ALG11: variants seen among roughly 807,000 people sequenced by gnomAD.
ALG11 encodes GDP-Man:Man(3)GlcNAc(2)-PP-Dol alpha-1,2-mannosyltransferase.
In ALG11, 26 loss-of-function variants were observed where a neutral mutation model predicts 38.8. That is an observed-to-expected ratio of 0.67 (90% confidence interval 0.49 to 0.93). ALG11 has a LOEUF of 0.93. ALG11 is among the 40% of genes least tolerant of loss of function. The probability of loss-of-function intolerance (pLI) is 0.00; values close to 1 mark genes in which losing one functional copy is unlikely to be tolerated. For synonymous variants in ALG11, 199 were observed against 211.6 expected (o/e 0.94, Z 0.52); for missense variants, 535 against 578.8 (o/e 0.92, Z 0.78).
At chr13:52,023,843 G>A (rs1875529969) in intron 2 of ALG11, 163 bp from the exon 3 acceptor site, 1 of 443,966 alleles carries the variant, frequency 2.3e-6, no homozygotes, top group Non-Finnish European at 4.0e-6. Context: ...CACCCAGGCT[G>A]GAGTTCGGTG....
In ALG11 at chr13:52,027,591, G is replaced by A. The variant is rs1954253744; in HGVS notation, c.1208-728G>A. Among the ~76,000 whole-genome samples, 3 of 152,170 alleles carry A rather than the reference G, an allele frequency of 2.0e-5. No individual in the cohort carries two copies. In the South Asian group the frequency reaches 6.2e-4, roughly 31 times the overall value. On this transcript the variant is annotated intron_variant, in intron 3 of 3. Coordinates refer to ENST00000521508, the MANE Select transcript of ALG11 (RefSeq NM_001004127.3). The stretch of plus-strand genomic sequence containing the variant: ...TCCCTGAAGGGCTTAATTCTCCTAG[G>A]AATATGGCTAAGAAGGGCTGGCTAG...
At chr13:52,016,756 G>C (rs1054193602) in intron 1 of ALG11, 5 of 152,280 alleles carry the variant, frequency 3.3e-5, no homozygotes, top group Non-Finnish European at 7.3e-5. Context: ...TTGCCACCGG[G>C]GCAGGGCCCT....
At chr13:52,027,743 C>T (rs1593905289) in intron 3 of ALG11, among the ~76,000 whole-genome samples, 3 of 152,164 alleles carry the variant, frequency 2.0e-5, no homozygotes, top group Non-Finnish European at 2.9e-5. Context: ...ATAAGCACGG[C>T]GATAGTATGC....
Position 52,024,131 on chromosome 13 carries a change from GGAAAC to G in ALG11, c.403_407del (p.Lys135LeufsTer34). 1 of 1,613,898 alleles carries G rather than the reference GGAAAC, an allele frequency of 6.2e-7. No individual in the cohort carries two copies. The highest frequency in any genetic ancestry group is 1.3e-5 in the African/African-American group (1 of 74,968). ...CACCCAGTGCAGTTTGTTTTTTTAA[GGAAAC>G]GCTATCTTGTGGAAGATTCACTGTA... On this transcript the variant is annotated frameshift_variant, in exon 3 of 4. Transcript: ENST00000521508. LOFTEE classifies it high-confidence loss of function.
chr13:52,024,498 C>A lies in ALG11; in HGVS notation c.768C>A (p.Val256=). 6.2e-7 allele frequency: 1 copy of A among 1,614,128 alleles called. No homozygotes were observed. The highest frequency in any genetic ancestry group is 1.7e-4 in the Middle Eastern group (1 of 6,060). The change falls in exon 3 of 4, where the codon GTC becomes GTA. Residue 256 remains valine (V), a synonymous_variant. Coordinates refer to ENST00000521508, the MANE Select transcript of ALG11 (RefSeq NM_001004127.3). ...GTTCTTGCAGTGATGTAGTCATGGTCAATTCTTCTTGGACACTAAACCATA... is the reference window on the plus strand; with the variant it reads ...GTTCTTGCAGTGATGTAGTCATGGTAAATTCTTCTTGGACACTAAACCATA... ...LVGSCSDVVM[V]NSSWTLNHIL...
chr13:52,018,466 A>C (rs1157495124), intron 1 of ALG11, among the ~76,000 whole-genome samples: 1 of 152,252 alleles, frequency 6.6e-6, no homozygotes, highest in East Asian at 1.9e-4. Context: ...TGATGGAATG[A>C]AAAAGATTTA....
chr13:52,023,841 C>CTG (rs1954209952), intron 2 of ALG11, 165 bp from the exon 3 acceptor site: 1 of 378,142 alleles, frequency 2.6e-6, no homozygotes, highest in Non-Finnish European at 4.8e-6. Flanking sequence ...GTCACCCAGG[C>CTG]TGGAGTTCGG....
At position 52,030,974 on chromosome 13, in the gene ALG11, C is replaced by G; in HGVS notation, c.*2384C>G. ...GACTACTCCCAAGGTCGTCACCAAG[C>G]CAGGCCATATCATTAAGCCCATAAA... On this transcript the variant is annotated 3_prime_UTR_variant, in exon 4 of 4. Coordinates refer to ENST00000521508, the MANE Select transcript of ALG11 (RefSeq NM_001004127.3). 1 of 1,614,172 alleles carries G rather than the reference C, an allele frequency of 6.2e-7. No individual in the cohort carries two copies. Among genetic ancestry groups the G allele is most frequent in the East Asian group, 2.2e-5 (1 of 44,878 alleles).
At chr13:52,018,013 A>G (rs1954149307) in intron 1 of ALG11, among the ~76,000 whole-genome samples, 1 of 152,260 alleles carries the variant, frequency 6.6e-6, no homozygotes, top group East Asian at 1.9e-4. Flanking sequence ...TAGGCAGAGT[A>G]TGAAAAATAT....
At position 52,029,821 on chromosome 13, in the gene ALG11, C is replaced by T; in HGVS notation, c.*1231C>T. ...AACTGACACAGAAACTCCAGGTAGC[C>T]TCTGAGAGTGAGGAAGAGGAGGGAG... On this transcript the variant is annotated 3_prime_UTR_variant, in exon 4 of 4. Transcript: ENST00000521508. 1.2e-6 allele frequency: 2 copies of T among 1,614,196 alleles called. No homozygotes were observed. The highest frequency in any genetic ancestry group is 8.5e-7 in the Non-Finnish European group (1 of 1,180,042).
chr13:52,014,622 ACTC>A (rs1210622101), intron 1 of ALG11, among the ~76,000 whole-genome samples: 1 of 151,558 alleles, frequency 6.6e-6, no homozygotes, highest in Non-Finnish European at 1.5e-5. Flanking sequence ...ACAGCCTTGA[ACTC>A]CTGGGCTCAA....
rs566722808 is a variant in ALG11, at chr13:52,016,642, T to A, written c.45-2271T>A. On this transcript the variant is annotated intron_variant, in intron 1 of 3. Coordinates refer to ENST00000521508, the MANE Select transcript of ALG11 (RefSeq NM_001004127.3). Reference sequence around the variant, plus strand: ...AGCCCCAAGCCATGGTAGCTTCACATGGTGTTGAGCCTGCGGGTGCACAGA... The same window carrying A: ...AGCCCCAAGCCATGGTAGCTTCACAAGGTGTTGAGCCTGCGGGTGCACAGA... 2.6e-5 allele frequency: 4 copies of A among 152,374 alleles called. No homozygotes were observed. In the East Asian group the frequency reaches 7.7e-4, roughly 29 times the overall value. The allele number at this position is 152,374 out of a possible 1,614,324, so 9.4% of individuals were successfully genotyped here. A position where few individuals can be genotyped will look rare whatever the true frequency, so the allele number is the denominator to read the frequency against.
At chr13:52,018,521 T>A (rs535343437) in intron 1 of ALG11, among the ~76,000 whole-genome samples, 35 of 152,312 alleles carry the variant, frequency 2.3e-4, no homozygotes, top group African/African-American at 7.9e-4. Flanking sequence ...TCAAAAGACA[T>A]ATTTTTTTTG....
Position 52,029,339 on chromosome 13 carries a change from G to T in ALG11, c.*749G>T. On this transcript the variant is annotated 3_prime_UTR_variant, in exon 4 of 4. Coordinates refer to ENST00000521508, the MANE Select transcript of ALG11 (RefSeq NM_001004127.3). ...TGAACATGCGCTCAGTGGCTGGAAGGCAAGAACTCCCCTGGAGCAGGAAAT... is the reference window on the plus strand; with the variant it reads ...TGAACATGCGCTCAGTGGCTGGAAGTCAAGAACTCCCCTGGAGCAGGAAAT... The T allele has an allele frequency of 1.2e-6, 2 of 1,614,138 alleles. No individual in the cohort carries two copies. The highest frequency in any genetic ancestry group is 8.5e-7 in the Non-Finnish European group (1 of 1,180,028).
Position 52,012,417 on chromosome 13 carries a change from A to C in ALG11, c.-2A>C. Reference sequence around the variant, plus strand: ...TTTCCTGAGTTCGGGGGTCGGCGGAAGATGGCGGCCGGCGAAAGGAGCTGG... The same window carrying C: ...TTTCCTGAGTTCGGGGGTCGGCGGACGATGGCGGCCGGCGAAAGGAGCTGG... On this transcript the variant is annotated 5_prime_UTR_variant, in exon 1 of 4. Transcript: ENST00000521508. 2 of 1,614,134 alleles carry C rather than the reference A, an allele frequency of 1.2e-6. No individual in the cohort carries two copies. Among genetic ancestry groups the C allele is most frequent in the South Asian group, 2.2e-5 (2 of 91,082 alleles).
chr13:52,027,451 G>T (rs562474322), intron 3 of ALG11, among the ~76,000 whole-genome samples: 1 of 152,266 alleles, frequency 6.6e-6, no homozygotes, highest in South Asian at 2.1e-4. Context: ...GTTCTGCAGG[G>T]ATTTCACCAG....
chr13:52,013,132 C>G (rs1954097660), intron 1 of ALG11, among the ~76,000 whole-genome samples: 1 of 152,180 alleles, frequency 6.6e-6, no homozygotes, highest in African/African-American at 2.4e-5. Context: ...TGAAAAAACT[C>G]CCAGGCTTTT....
intron 2 of ALG11, 86 bp downstream of exon 2, chr13:52,019,229 T>A: frequency 7.9e-7 from 1 of 1,271,780 alleles, no homozygotes; most frequent in South Asian, 1.4e-5. Flanking sequence ...TTTTTTTTTT[T>A]TTTTTTTTTT....
At chr13:52,026,409 G>C (rs904002768) in intron 3 of ALG11, among the ~76,000 whole-genome samples, 2 of 152,208 alleles carry the variant, frequency 1.3e-5, no homozygotes, top group Admixed American at 6.5e-5. Context: ...AAAGCTTTCT[G>C]ATTTCTCCAG....
Sources: allele counts gnomAD v4.1 joint callset (sites outside exome capture counted in the v4.1 genomes callset), GRCh38; gene constraint gnomAD v4.1.1; transcripts MANE v1.5; gene names NCBI Gene and HGNC (gene_info 2026-07-23, HGNC 2026-07-21).